SHC4: variants seen among roughly 807,000 people sequenced by gnomAD.
SHC4 encodes SHC-transforming protein 4.
A neutral mutation model predicts 69.4 loss-of-function variants in SHC4; 41 were observed. That is an observed-to-expected ratio of 0.59 (90% CI 0.46 to 0.77). The LOEUF is 0.77. Ranked by LOEUF, SHC4 falls within the 30% of genes least tolerant of loss-of-function variation. SHC4 has a pLI of 0.00. For synonymous variants in SHC4, 318 were observed against 299.3 expected (o/e 1.06, Z -0.64); for missense variants, 777 against 783.8 (o/e 0.99, Z 0.10).
rs558718055 is a variant in SHC4, at chr15:48,912,745, G to A, written c.656+12134C>T. Among the ~76,000 whole-genome samples, 67 of 152,262 alleles carry A rather than the reference G, an allele frequency of 4.4e-4. 1 individual carries two copies. Among genetic ancestry groups the A allele is most frequent in the African/African-American group, 1.1e-3 (44 of 41,562 alleles). ...TCCGTCAGAGGGAAGGTCTAGGGCC[G>A]AAGGCTGTTGTTCAGATTCTTTTGT... On this transcript the variant is annotated intron_variant, in intron 2 of 11. Coordinates refer to ENST00000332408, the MANE Select transcript of SHC4 (RefSeq NM_203349.4).
At chr15:48,829,787 C>T (rs1001703734) in intron 11 of SHC4, among the ~76,000 whole-genome samples, 1 of 152,074 alleles carries the variant, frequency 6.6e-6, no homozygotes, top group African/African-American at 2.4e-5. Flanking sequence ...GGCATGGTGG[C>T]GCACCCCTGT....
chr15:48,880,985 AGTGTGTGTGTGTGT>A (rs10523567), intron 4 of SHC4, among the ~76,000 whole-genome samples: 34 of 146,080 alleles, frequency 2.3e-4, no homozygotes, highest in African/African-American at 4.5e-4. Flanking sequence ...TGTGTGTGAG[AGTGTGTGTGTGTGT>A]GTGTGTGTGT....
chr15:48,898,437 T>C (rs1900262147), intron 2 of SHC4, among the ~76,000 whole-genome samples: 1 of 152,234 alleles, frequency 6.6e-6, no homozygotes, highest in Non-Finnish European at 1.5e-5. Context: ...GGTCCCAGGA[T>C]GGTCAAATAA....
rs1326320154 is a variant in SHC4 at position 48,851,267 on chromosome 15, A to G, written c.1243-19T>C. On this transcript the variant is annotated intron_variant, in intron 8 of 11. Coordinates refer to ENST00000332408, the MANE Select transcript of SHC4 (RefSeq NM_203349.4). ...TTCCAGGCTGCATGAACAACAAATT[A>G]TGAAACATTTACAAACATAGTACAC... The G allele has an allele frequency of 1.2e-6, 2 of 1,613,568 alleles. No individual in the cohort carries two copies. Among genetic ancestry groups the G allele is most frequent in the Non-Finnish European group, 1.7e-6 (2 of 1,179,570 alleles).
At chr15:48,855,852 G>C in intron 8 of SHC4, 101 bp downstream of exon 8, 1 of 1,240,814 alleles carries the variant, frequency 8.1e-7, no homozygotes, top group Non-Finnish European at 1.1e-6. Context: ...AGGAAGACAG[G>C]ACTTTCTCTA....
chr15:48,842,678 C>T (rs766445754), intron 10 of SHC4, among the ~76,000 whole-genome samples: 11 of 152,110 alleles, frequency 7.2e-5, no homozygotes, highest in Admixed American at 5.2e-4. Context: ...CCTGTAATCC[C>T]AATGCTTTGA....
intron 8 of SHC4, among the ~76,000 whole-genome samples, chr15:48,852,197 G>A (rs61358576): frequency 0.046 from 6,991 of 152,260 alleles, 453 homozygotes; most frequent in African/African-American, 0.14. Context: ...TAGAGGAAGT[G>A]TGTACACAAG....
At chr15:48,857,024 G>T (rs1899333203) in intron 7 of SHC4, among the ~76,000 whole-genome samples, 1 of 152,130 alleles carries the variant, frequency 6.6e-6, no homozygotes, top group African/African-American at 2.4e-5. Flanking sequence ...CATACCAGAG[G>T]AAAATGCATT....
Position 48,834,889 on chromosome 15 carries a change from G to C in SHC4, c.1617C>G (p.Leu539=). ...GKLSRKAAES[L]LVKDGDFLVR... ...CCAAAAAGTCCCCATCCTTTACCAA[G>C]AGGCTCTCTGCCGCCTTCCTGCTCA... Residue 539 remains leucine (L), a synonymous_variant, in exon 11 of 12, where the codon CTC becomes CTG. Transcript: ENST00000332408. The C allele has an allele frequency of 6.2e-7, 1 of 1,614,124 alleles. No individual in the cohort carries two copies. The highest frequency in any genetic ancestry group is 1.7e-5 in the Admixed American group (1 of 60,014).
Position 48,924,919 on chromosome 15 carries a change from T to C in SHC4, c.616A>G (p.Met206Val), listed in dbSNP as rs368000259. 1.2e-5 allele frequency: 19 copies of C among 1,614,044 alleles called. No homozygotes were observed. The highest frequency in any genetic ancestry group is 1.6e-4 in the Middle Eastern group (1 of 6,084). The change falls in exon 2 of 12, where the codon ATG becomes GTG. Residue 206 changes from methionine to valine, a missense_variant. By Grantham distance (21) the Met-to-Val change is conservative. Transcript: ENST00000332408. ...YMGCVEVLQSMRSLDFGMRTQ... is the reference protein window; with the variant it reads ...YMGCVEVLQSVRSLDFGMRTQ... ...CTCATTCCAAAATCCAGTGATCTCA[T>C]TGATTGCAGCACTTCAACACAGCCC...
In SHC4 at chr15:48,843,617, T is replaced by C. The variant is rs541663931; in HGVS notation, c.1304-29A>G. 58 of 1,569,926 alleles carry C rather than the reference T, an allele frequency of 3.7e-5. 1 individual carries two copies. The South Asian group carries it at 6.2e-4, about 17-fold the overall frequency. On this transcript the variant is annotated intron_variant, in intron 9 of 11. Transcript: ENST00000332408. ...TAGTGATTAGTAGTGATCAATACATTATGTTTTTTCTTTGTAAATAGTAAA... is the reference window on the plus strand; with the variant it reads ...TAGTGATTAGTAGTGATCAATACATCATGTTTTTTCTTTGTAAATAGTAAA...
chr15:48,919,784 G>T (rs1024853793), intron 2 of SHC4, among the ~76,000 whole-genome samples: 3 of 151,972 alleles, frequency 2.0e-5, no homozygotes, highest in African/African-American at 7.3e-5. Flanking sequence ...AAAAGTAAAA[G>T]ACCATCACAC....
chr15:48,907,286 G>A (rs1325620725), intron 2 of SHC4, among the ~76,000 whole-genome samples: 1 of 150,392 alleles, frequency 6.6e-6, no homozygotes, highest in Non-Finnish European at 1.5e-5. Flanking sequence ...GTGCAGTGGC[G>A]CTAGCTCGGC....
intron 8 of SHC4, 66 bp downstream of exon 8, chr15:48,855,887 G>A: frequency 4.1e-6 from 6 of 1,477,022 alleles, no homozygotes; most frequent in South Asian, 2.8e-5. Context: ...AATCCTCAAA[G>A]TAAATGCTCT....
intron 4 of SHC4, among the ~76,000 whole-genome samples, chr15:48,873,639 T>C (rs1477456051): frequency 6.6e-6 from 1 of 151,646 alleles, no homozygotes; most frequent in Non-Finnish European, 1.5e-5. Context: ...TACTCAGGAG[T>C]CTGAGGCAGG....
chr15:48,897,720 G>A (rs1489436086), intron 2 of SHC4, among the ~76,000 whole-genome samples: 2 of 122,656 alleles, frequency 1.6e-5, no homozygotes, highest in Non-Finnish European at 3.2e-5. Context: ...CAGCTGGAAT[G>A]ATTAAAGGCA....
At chr15:48,877,986 C>A in intron 4 of SHC4, 1 of 595,146 alleles carries the variant, frequency 1.7e-6, no homozygotes, top group Non-Finnish European at 2.7e-6. Context: ...CAAAAGGCGA[C>A]GCCAACACCC....
At chr15:48,857,418 A>G (rs551455391) in intron 7 of SHC4, among the ~76,000 whole-genome samples, 96 of 152,292 alleles carry the variant, frequency 6.3e-4, no homozygotes, top group Middle Eastern at 6.8e-3. Context: ...TTATAGTGCT[A>G]GAATAACAGA....
At chr15:48,902,558 G>T (rs971194157) in intron 2 of SHC4, among the ~76,000 whole-genome samples, 1 of 152,100 alleles carries the variant, frequency 6.6e-6, no homozygotes, top group African/African-American at 2.4e-5. Context: ...TTGCTGGGAT[G>T]CTCACTTCTC....
Sources: gnomAD v4.1 joint callset for allele counts (sites outside exome capture counted in the v4.1 genomes callset) on GRCh38, gnomAD v4.1.1 for gene constraint, MANE v1.5 for transcripts, NCBI Gene and HGNC (gene_info 2026-07-23, HGNC 2026-07-21) for gene names.